Variants in FAM184A observed in about 807,000 individuals in gnomAD.
FAM184A encodes the protein protein FAM184A.
Under a neutral mutation model 143.8 loss-of-function variants are expected in FAM184A, and 99 were observed. The ratio of observed to expected loss-of-function variants is 0.69; its 90% CI spans 0.58 to 0.81. The LOEUF (loss-of-function observed/expected upper bound fraction) is 0.81. Ranked by LOEUF, FAM184A falls within the 40% of genes least tolerant of loss-of-function variation. FAM184A has a pLI of 0.00. For missense variants in FAM184A, 1,217 were observed against 1,310.5 expected (o/e 0.93, Z 1.10); for synonymous variants, 427 against 446.4 (o/e 0.96, Z 0.55).
At chr6:119,094,479 G>A (rs550417840) in intron 1 of FAM184A, among the ~76,000 whole-genome samples, 1 of 152,198 alleles carries the variant, frequency 6.6e-6, no homozygotes, top group Admixed American at 6.5e-5. Flanking sequence ...ACAACATCCT[G>A]TCCACCACGG....
chr6:119,144,628 C>T (rs1265122033), intron 1 of FAM184A, among the ~76,000 whole-genome samples: 2 of 152,156 alleles, frequency 1.3e-5, no homozygotes, highest in Admixed American at 6.5e-5. Flanking sequence ...AGTAGGTGAG[C>T]GATTCTAATT....
intron 1 of FAM184A, among the ~76,000 whole-genome samples, chr6:119,070,910 T>TAA (rs67863249): frequency 3.0e-4 from 45 of 148,304 alleles, no homozygotes; most frequent in African/African-American, 5.9e-4. Flanking sequence ...AGATTTTCTT[T>TAA]AAAAAAAAAA....
At chr6:119,028,441 T>G (rs903771752) in intron 1 of FAM184A, among the ~76,000 whole-genome samples, 2 of 152,162 alleles carry the variant, frequency 1.3e-5, no homozygotes, top group African/African-American at 4.8e-5. Context: ...TCCAGCCCCA[T>G]ACAGGGTCCT....
chr6:119,122,996 C>A (rs548281456), intron 1 of FAM184A, among the ~76,000 whole-genome samples: 3 of 134,782 alleles, frequency 2.2e-5, no homozygotes, highest in Non-Finnish European at 4.7e-5. Context: ...AGTTTTCAGT[C>A]CTCTAATGTC....
chr6:119,112,822 G>C (rs1484195873), intron 1 of FAM184A, among the ~76,000 whole-genome samples: 1 of 152,230 alleles, frequency 6.6e-6, no homozygotes, highest in East Asian at 1.9e-4. Flanking sequence ...TATGAGGAAA[G>C]TTGAAAAAGG....
intron 1 of FAM184A, among the ~76,000 whole-genome samples, chr6:119,095,716 A>C (rs1017197751): frequency 2.6e-5 from 4 of 151,992 alleles, no homozygotes; most frequent in Non-Finnish European, 5.9e-5. Flanking sequence ...ACACCACCAC[A>C]CCTGGCTAAT....
intron 11 of FAM184A, among the ~76,000 whole-genome samples, chr6:118,977,031 C>A (rs186763311): frequency 2.0e-5 from 3 of 152,092 alleles, no homozygotes; most frequent in Non-Finnish European, 2.9e-5. Flanking sequence ...ACCCAGCAAC[C>A]GCACTCCTAG....
intron 15 of FAM184A, among the ~76,000 whole-genome samples, chr6:118,966,370 CA>C (rs1320348225): frequency 2.0e-5 from 3 of 152,118 alleles, no homozygotes; most frequent in Non-Finnish European, 2.9e-5. Context: ...GATTATGGAA[CA>C]TTTTTTTTCT....
intron 1 of FAM184A, among the ~76,000 whole-genome samples, chr6:119,042,796 T>C (rs756181048): frequency 1.1e-4 from 17 of 152,298 alleles, no homozygotes; most frequent in Admixed American, 9.2e-4. Flanking sequence ...GATTCTAACA[T>C]ATCACTCTAC....
At chr6:118,971,958 T>C (rs1392772085) in intron 14 of FAM184A, among the ~76,000 whole-genome samples, 1 of 152,170 alleles carries the variant, frequency 6.6e-6, no homozygotes, top group African/African-American at 2.4e-5. Context: ...ACCACTGCCT[T>C]CCAGGAATCC....
rs34128659 is a variant in FAM184A, at chr6:119,022,053, CTTTTTT to C, written c.1150+886_1150+891del. ...AAGTGTGCTTCATTTTTCGTTCTTT[CTTTTTT>C]TTTTTTTTTTTTTTTTTTTGATACA... On this transcript the variant is annotated intron_variant, in intron 3 of 17. Coordinates refer to ENST00000338891, the MANE Select transcript of FAM184A (RefSeq NM_024581.6). Among the ~76,000 whole-genome samples the C allele has an allele frequency of 3.3e-4, 28 of 84,392 alleles. 1 individual carries two copies. The highest frequency in any genetic ancestry group is 1.2e-3 in the African/African-American group (26 of 22,018). The allele number at this position is 84,392 out of a possible 152,430, so 55.4% of individuals were successfully genotyped here. A position where few individuals can be genotyped will look rare whatever the true frequency, so the allele number is the denominator to read the frequency against.
At chr6:119,019,681 A>G (rs1028392451) in intron 4 of FAM184A, among the ~76,000 whole-genome samples, 1 of 152,254 alleles carries the variant, frequency 6.6e-6, no homozygotes, top group South Asian at 2.1e-4. Flanking sequence ...ACGAATAATG[A>G]TTATAAGTAT....
At chr6:119,061,484 T>C (rs1562133351) in intron 1 of FAM184A, among the ~76,000 whole-genome samples, 1 of 151,206 alleles carries the variant, frequency 6.6e-6, no homozygotes, top group Non-Finnish European at 1.5e-5. Context: ...GCCTCCTAAG[T>C]ATCTGGGACT....
intron 1 of FAM184A, among the ~76,000 whole-genome samples, chr6:119,101,218 C>T (rs1454560251): frequency 6.6e-6 from 1 of 151,704 alleles, no homozygotes; most frequent in Non-Finnish European, 1.5e-5. Flanking sequence ...AGGCATGCAC[C>T]ACCACGCCTG....
At chr6:118,981,575 C>T (rs1037738813) in intron 9 of FAM184A, among the ~76,000 whole-genome samples, 1 of 152,050 alleles carries the variant, frequency 6.6e-6, no homozygotes, top group South Asian at 2.1e-4. Context: ...AGAGAAAAGG[C>T]GGGGAATCAC....
At chr6:119,136,284 C>CA (rs11454485) in intron 1 of FAM184A, among the ~76,000 whole-genome samples, 29,565 of 65,212 alleles carry the variant, frequency 0.45, 7,133 homozygotes, top group East Asian at 0.56. Flanking sequence ...GACTCCGTCT[C>CA]AAAAAAAAAA....
chr6:119,127,677 A>G (rs1582639325), intron 1 of FAM184A, among the ~76,000 whole-genome samples: 1 of 152,146 alleles, frequency 6.6e-6, no homozygotes, highest in Non-Finnish European at 1.5e-5. Context: ...GGAAGCAGCT[A>G]CCCTAAAGTC....
At chr6:118,998,562 T>C (rs1483525836) in intron 9 of FAM184A, among the ~76,000 whole-genome samples, 2 of 152,264 alleles carry the variant, frequency 1.3e-5, no homozygotes, top group Non-Finnish European at 2.9e-5. Flanking sequence ...ATGATGGTGC[T>C]ATTTTAGAGA....
At chr6:119,132,908 C>T (rs1007402673) in intron 1 of FAM184A, among the ~76,000 whole-genome samples, 5 of 152,140 alleles carry the variant, frequency 3.3e-5, no homozygotes, top group Admixed American at 1.3e-4. Flanking sequence ...ACATGAGGCC[C>T]CATAATTTTA....
Sources: allele counts gnomAD v4.1 joint callset (sites outside exome capture counted in the v4.1 genomes callset), GRCh38; gene constraint gnomAD v4.1.1; transcripts MANE v1.5; gene names NCBI Gene and HGNC (gene_info 2026-07-23, HGNC 2026-07-21).